The following MACROD2 variants were observed in gnomAD, a reference collection of about 807,000 sequenced individuals.
The protein encoded by MACROD2 is ADP-ribose glycohydrolase MACROD2.
Under a neutral mutation model 70.4 loss-of-function variants are expected in MACROD2, and 36 were observed. That is an observed-to-expected ratio of 0.51 (90% CI 0.39 to 0.68). The LOEUF (loss-of-function observed/expected upper bound fraction) is 0.68. Among genes scored for constraint, MACROD2 ranks in the 30% least tolerant of loss-of-function variants. The probability of loss-of-function intolerance (pLI) is 0.00; values close to 1 mark genes in which losing one functional copy is unlikely to be tolerated. For missense variants in MACROD2, 496 were observed against 538.4 expected, an observed-to-expected ratio of 0.92 and a Z score of 0.78; for synonymous variants, 172 against 178.8, an observed-to-expected ratio of 0.96 and a Z score of 0.30.
At chr20:15,197,650 A>C (rs1269993595) in intron 5 of MACROD2, among the ~76,000 whole-genome samples, 1 of 151,810 alleles carries the variant, frequency 6.6e-6, no homozygotes, top group African/African-American at 2.4e-5. Context: ...TAGTTTTTTG[A>C]TATTTACTTT....
chr20:14,575,738 G>A (rs1295786318), intron 4 of MACROD2, among the ~76,000 whole-genome samples: 2 of 152,014 alleles, frequency 1.3e-5, no homozygotes, highest in Non-Finnish European at 2.9e-5. Context: ...AAAAATTATA[G>A]TGCCCTGTTA....
At chr20:14,968,707 G>A (rs917720947) in intron 5 of MACROD2, among the ~76,000 whole-genome samples, 1 of 152,076 alleles carries the variant, frequency 6.6e-6, no homozygotes, top group East Asian at 1.9e-4. Flanking sequence ...TGCAATACTG[G>A]AAAGTTTTCA....
chr20:15,704,013 C>T (rs2050497079), intron 8 of MACROD2, among the ~76,000 whole-genome samples: 1 of 152,168 alleles, frequency 6.6e-6, no homozygotes. Flanking sequence ...GTGGTAATGA[C>T]ACAGGAGCAT....
At chr20:14,119,092 C>T (rs953181374) in intron 3 of MACROD2, among the ~76,000 whole-genome samples, 1 of 150,920 alleles carries the variant, frequency 6.6e-6, no homozygotes, top group Non-Finnish European at 1.5e-5. Context: ...AAGTGATCCA[C>T]CTGCCTCAGC....
intron 5 of MACROD2, among the ~76,000 whole-genome samples, chr20:14,783,174 T>C (rs1189225299): frequency 1.3e-5 from 2 of 152,196 alleles, no homozygotes; most frequent in Non-Finnish European, 2.9e-5. Context: ...GTTCTTATGC[T>C]GTAATCTTTC....
chr20:15,993,095 A>G (rs1464534704), intron 15 of MACROD2, among the ~76,000 whole-genome samples: 1 of 152,210 alleles, frequency 6.6e-6, no homozygotes, highest in Non-Finnish European at 1.5e-5. Flanking sequence ...ATATAATGCT[A>G]AATTGAAATT....
intron 5 of MACROD2, among the ~76,000 whole-genome samples, chr20:14,767,416 G>C (rs2072105308): frequency 6.6e-6 from 1 of 151,964 alleles, no homozygotes; most frequent in Non-Finnish European, 1.5e-5. Flanking sequence ...CTTTAGAAAT[G>C]CAAGTGAGGG....
intron 6 of MACROD2, among the ~76,000 whole-genome samples, chr20:15,239,206 A>C (rs887755812): frequency 1.1e-5 from 1 of 93,692 alleles, no homozygotes; most frequent in Non-Finnish European, 2.2e-5. Flanking sequence ...TTTTTTGGAG[A>C]GCAATTGCAA....
At chr20:15,268,895 G>C (rs2077321308) in intron 6 of MACROD2, among the ~76,000 whole-genome samples, 1 of 152,152 alleles carries the variant, frequency 6.6e-6, no homozygotes, top group Non-Finnish European at 1.5e-5. Context: ...CTTCTCCCCA[G>C]ACTTTGGGGA....
At chr20:15,264,536 C>G (rs1422296568) in intron 6 of MACROD2, among the ~76,000 whole-genome samples, 1 of 152,082 alleles carries the variant, frequency 6.6e-6, no homozygotes, top group Non-Finnish European at 1.5e-5. Flanking sequence ...TTTTGAGCTA[C>G]AGAAATAGGG....
At chr20:14,272,852 T>G (rs2082209790) in intron 3 of MACROD2, among the ~76,000 whole-genome samples, 1 of 152,114 alleles carries the variant, frequency 6.6e-6, no homozygotes, top group African/African-American at 2.4e-5. Context: ...TCCTAGTCTC[T>G]GATAAAACAG....
In MACROD2 at chr20:14,243,900, A is replaced by G. The variant is rs543952007; in HGVS notation, c.271+158172A>G. 4.6e-5 allele frequency among the ~76,000 whole-genome samples: 7 copies of G among 152,344 alleles called. No individual in the cohort carries two copies. In the East Asian group the frequency reaches 1.3e-3, roughly 29 times the overall value. On this transcript the variant is annotated intron_variant, in intron 3 of 17. Coordinates refer to ENST00000684519, the MANE Select transcript of MACROD2 (RefSeq NM_001351661.2). ...GTTGTTTTATCAAGTCGTAGCAGTCAGTTCTATCACAGCATATGCTAGACA... is the reference window on the plus strand; with the variant it reads ...GTTGTTTTATCAAGTCGTAGCAGTCGGTTCTATCACAGCATATGCTAGACA...
At chr20:15,280,308 G>A (rs934301546) in intron 6 of MACROD2, among the ~76,000 whole-genome samples, 17 of 151,694 alleles carry the variant, frequency 1.1e-4, no homozygotes, top group African/African-American at 4.1e-4. Context: ...AAACAAGGAT[G>A]CAAACTTTTT....
chr20:15,343,331 A>G (rs2078130311), intron 6 of MACROD2, among the ~76,000 whole-genome samples: 1 of 152,210 alleles, frequency 6.6e-6, no homozygotes. Flanking sequence ...TTTTTCAAAG[A>G]TGGTGTCACT....
At chr20:14,683,023 G>T (rs1198250149) in intron 4 of MACROD2, among the ~76,000 whole-genome samples, 1 of 151,992 alleles carries the variant, frequency 6.6e-6, no homozygotes, top group African/African-American at 2.4e-5. Flanking sequence ...AGGATTACAG[G>T]CATGCACCAC....
rs1410105808 is a variant in MACROD2 at position 15,274,468 on chromosome 20, T to G, written c.540+44407T>G. 2.0e-5 allele frequency among the ~76,000 whole-genome samples: 3 copies of G among 152,346 alleles called. No homozygotes were observed. The East Asian group carries it at 5.8e-4, about 29-fold the overall frequency. ...GTTCTTACTCTAGAAACAATAACAT[T>G]GTTGGGTGCCCCCTGTCTTTCACCT... On this transcript the variant is annotated intron_variant, in intron 6 of 17. Coordinates refer to ENST00000684519, the MANE Select transcript of MACROD2 (RefSeq NM_001351661.2).
chr20:15,058,655 T>G lies in MACROD2; in HGVS notation c.419-171285T>G, dbSNP rs981764856. On this transcript the variant is annotated intron_variant, in intron 5 of 17. Coordinates refer to ENST00000684519, the MANE Select transcript of MACROD2 (RefSeq NM_001351661.2). ...GATATTTAATTATGCTATGCTCTACTACTACAACATTATTTTTCCATGTCA... is the reference window on the plus strand; with the variant it reads ...GATATTTAATTATGCTATGCTCTACGACTACAACATTATTTTTCCATGTCA... 6.6e-5 allele frequency among the ~76,000 whole-genome samples: 10 copies of G among 152,210 alleles called. No homozygotes were observed. The East Asian group carries it at 1.9e-3, about 29-fold the overall frequency.
At chr20:15,218,156 G>A (rs2076827318) in intron 5 of MACROD2, among the ~76,000 whole-genome samples, 1 of 152,092 alleles carries the variant, frequency 6.6e-6, no homozygotes, top group African/African-American at 2.4e-5. Context: ...TTATTTCTAT[G>A]TTGAGGATAG....
At chr20:16,006,812 A>G (rs1329272293) in intron 15 of MACROD2, among the ~76,000 whole-genome samples, 1 of 152,194 alleles carries the variant, frequency 6.6e-6, no homozygotes, top group Admixed American at 6.5e-5. Flanking sequence ...TAAAAGGAGA[A>G]TTACTTTTGT....
Sources: allele counts gnomAD v4.1 joint callset (sites outside exome capture counted in the v4.1 genomes callset), GRCh38; gene constraint gnomAD v4.1.1; transcripts MANE v1.5; gene names NCBI Gene and HGNC (gene_info 2026-07-23, HGNC 2026-07-21).